TTBK2: variants seen among roughly 807,000 people sequenced by gnomAD.
TTBK2 encodes tau-tubulin kinase 2.
In TTBK2, 28 loss-of-function variants were observed where a neutral mutation model predicts 110.8. The ratio of observed to expected loss-of-function variants is 0.25; its 90% confidence interval spans 0.19 to 0.35. The LOEUF (loss-of-function observed/expected upper bound fraction) is 0.35, where lower values mean the gene tolerates loss of function less well. Ranked by LOEUF, TTBK2 falls within the 10% of genes least tolerant of loss-of-function variation. The pLI, the probability that TTBK2 is intolerant of heterozygous loss-of-function variation, is 1.00. For missense variants in TTBK2, 1,369 were observed against 1,500.3 expected, an observed-to-expected ratio of 0.91 and a Z score of 1.45; for synonymous variants, 532 against 527.3, an observed-to-expected ratio of 1.01 and a Z score of -0.12.
intron 1 of TTBK2, among the ~76,000 whole-genome samples, chr15:42,886,381 A>T (rs1230321511): frequency 6.6e-6 from 1 of 152,154 alleles, no homozygotes; most frequent in African/African-American, 2.4e-5. Context: ...GGCATACTCA[A>T]GGTTAATGCT....
At chr15:42,787,902 G>T (rs188947328) in intron 10 of TTBK2, among the ~76,000 whole-genome samples, 1 of 151,926 alleles carries the variant, frequency 6.6e-6, no homozygotes, top group African/African-American at 2.4e-5. Context: ...TGATCACAGC[G>T]TACTTAAAAA....
intron 13 of TTBK2, among the ~76,000 whole-genome samples, chr15:42,763,173 T>TATATAC (rs1889149479): frequency 2.2e-4 from 4 of 17,946 alleles, no homozygotes; most frequent in African/African-American, 4.9e-4. Flanking sequence ...TATATATATA[T>TATATAC]ATATATATAT....
At chr15:42,805,472 G>A (rs921219117) in intron 9 of TTBK2, among the ~76,000 whole-genome samples, 3 of 152,182 alleles carry the variant, frequency 2.0e-5, no homozygotes, top group Non-Finnish European at 2.9e-5. Flanking sequence ...ACAGAGGCAC[G>A]TTCCAGGTAG....
intron 4 of TTBK2, among the ~76,000 whole-genome samples, chr15:42,831,363 A>G (rs1892752163): frequency 6.6e-6 from 1 of 152,150 alleles, no homozygotes; most frequent in South Asian, 2.1e-4. Flanking sequence ...GCCTGGCCCC[A>G]TATAAAGTTT....
chr15:42,787,286 A>G (rs1390951471), intron 10 of TTBK2, among the ~76,000 whole-genome samples: 2 of 152,218 alleles, frequency 1.3e-5, no homozygotes, highest in African/African-American at 4.8e-5. Context: ...TTGCTGGCTC[A>G]TGATTTAAAG....
intron 14 of TTBK2, among the ~76,000 whole-genome samples, chr15:42,747,920 C>T (rs2061817782): frequency 1.3e-5 from 2 of 152,094 alleles, no homozygotes; most frequent in Non-Finnish European, 2.9e-5. Flanking sequence ...TAATGATACA[C>T]TTTAGATCGA....
chr15:42,886,022 G>T (rs570956988), intron 1 of TTBK2, among the ~76,000 whole-genome samples: 2 of 152,078 alleles, frequency 1.3e-5, no homozygotes, highest in East Asian at 3.9e-4. Context: ...GGTGCCTGAC[G>T]TCCAGGCAAT....
chr15:42,882,043 T>C (rs560551800), intron 1 of TTBK2, among the ~76,000 whole-genome samples: 4 of 152,168 alleles, frequency 2.6e-5, no homozygotes, highest in Non-Finnish European at 5.9e-5. Context: ...TAAATGAATA[T>C]AGACCCCAGG....
At chr15:42,876,479 G>A (rs868297445) in intron 2 of TTBK2, among the ~76,000 whole-genome samples, 2 of 152,138 alleles carry the variant, frequency 1.3e-5, no homozygotes, top group African/African-American at 2.4e-5. Context: ...AGCAACTGCT[G>A]AATCTCCCTG....
chr15:42,809,307 G>A (rs1307282969), intron 9 of TTBK2, among the ~76,000 whole-genome samples: 1 of 152,222 alleles, frequency 6.6e-6, no homozygotes, highest in Non-Finnish European at 1.5e-5. Context: ...GCCCTTAGGA[G>A]AATGTCCAAC....
At chr15:42,802,226 T>C in intron 9 of TTBK2, 1 of 878,042 alleles carries the variant, frequency 1.1e-6, no homozygotes, top group Non-Finnish European at 1.9e-6. Context: ...ATGGTGGTGA[T>C]GCCTCCACTG....
At position 42,745,050 on chromosome 15, in the gene TTBK2, CCTAA is replaced by C. The variant is rs1022902264; in HGVS notation, c.*741_*744del. The C allele has an allele frequency of 5.2e-5, 8 of 154,116 alleles. No individual in the cohort carries two copies. The highest frequency in any genetic ancestry group is 2.0e-4 in the South Asian group (1 of 4,904). 9.5% of individuals were successfully genotyped at this position (154,116 alleles called of 1,614,324 possible). ...TCTAGTTAGACTTTTCTTTCCTTTACCTAACTTTCTTATTTTTCATAATAAAAAT... is the reference window on the plus strand; with the variant it reads ...TCTAGTTAGACTTTTCTTTCCTTTACCTTTCTTATTTTTCATAATAAAAAT... On this transcript the variant is annotated 3_prime_UTR_variant, in exon 15 of 15. Coordinates refer to ENST00000267890, the MANE Select transcript of TTBK2 (RefSeq NM_173500.4).
chr15:42,793,308 TAGTC>T (rs903681535), intron 10 of TTBK2, among the ~76,000 whole-genome samples: 6 of 152,166 alleles, frequency 3.9e-5, no homozygotes, highest in Non-Finnish European at 5.9e-5. Flanking sequence ...TTAGACATGA[TAGTC>T]AGTGATACTA....
intron 9 of TTBK2, among the ~76,000 whole-genome samples, chr15:42,796,952 T>C (rs1003509520): frequency 1.3e-5 from 2 of 152,252 alleles, no homozygotes; most frequent in African/African-American, 2.4e-5. Context: ...TGAGAAATTT[T>C]ATTTGGGTCC....
intron 1 of TTBK2, among the ~76,000 whole-genome samples, 169 bp from the exon 2 acceptor site, chr15:42,878,853 C>T (rs1017336798): frequency 1.3e-5 from 2 of 152,130 alleles, no homozygotes; most frequent in African/African-American, 4.8e-5. Flanking sequence ...TTTAAAACCA[C>T]GTATCTTTCT....
chr15:42,919,819 T>A, intron 1 of TTBK2: 1 of 985,412 alleles, frequency 1.0e-6, no homozygotes. Context: ...TATCCTGGCA[T>A]CCCAATGGAT....
At chr15:42,858,582 G>A (rs374610885) in intron 3 of TTBK2, among the ~76,000 whole-genome samples, 1 of 152,170 alleles carries the variant, frequency 6.6e-6, no homozygotes. Flanking sequence ...TGAGGAACAT[G>A]GAAGCTGCCA....
intron 13 of TTBK2, among the ~76,000 whole-genome samples, chr15:42,756,629 T>C (rs889511389): frequency 3.9e-5 from 6 of 152,094 alleles, no homozygotes; most frequent in Non-Finnish European, 7.4e-5. Flanking sequence ...TCTTCTGAGA[T>C]TGAAGCTAGG....
At chr15:42,884,905 C>T (rs1464736402) in intron 1 of TTBK2, among the ~76,000 whole-genome samples, 1 of 152,054 alleles carries the variant, frequency 6.6e-6, no homozygotes, top group Non-Finnish European at 1.5e-5. Context: ...TTGTTTCCCC[C>T]CACCCTTAAT....
Sources: allele counts gnomAD v4.1 joint callset (sites outside exome capture counted in the v4.1 genomes callset), GRCh38; gene constraint gnomAD v4.1.1; transcripts MANE v1.5; gene names NCBI Gene and HGNC (gene_info 2026-07-23, HGNC 2026-07-21).